Variants in GAN observed in about 807,000 individuals in gnomAD.
GAN encodes gigaxonin, also known as epididymis secretory sperm binding protein.
A neutral mutation model predicts 71.3 loss-of-function variants in GAN; 48 were observed. The ratio of observed to expected loss-of-function variants is 0.67; its 90% CI spans 0.53 to 0.86. GAN has a LOEUF of 0.86. GAN is among the 40% of genes least tolerant of loss of function. The pLI is 0.00. For missense variants in GAN, 928 were observed against 770.1 expected (o/e 1.21, Z -2.43); for synonymous variants, 386 against 276.8 (o/e 1.39, Z -3.92).
intron 9 of GAN, among the ~76,000 whole-genome samples, chr16:81,373,498 TAA>T (rs1003388686): frequency 3.3e-5 from 5 of 152,240 alleles, no homozygotes; most frequent in East Asian, 1.9e-4. Flanking sequence ...CAGAAATAGT[TAA>T]AGAGTTCCCA....
intron 1 of GAN, among the ~76,000 whole-genome samples, chr16:81,331,480 G>A (rs1282723313): frequency 6.6e-6 from 1 of 152,140 alleles, no homozygotes; most frequent in Non-Finnish European, 1.5e-5. Context: ...GGGTGCAAAG[G>A]AACTCAGTAC....
Position 81,357,766 on chromosome 16 carries a change from T to C in GAN, c.852-44T>C, listed in dbSNP as rs766593597. On this transcript the variant is annotated intron_variant, in intron 4 of 10. Transcript: ENST00000648994. ...AGTGATGGCTACTTATAAAAAGAAC[T>C]GTATGAAGCACATTAACTACTGATC... 7.0e-6 allele frequency: 11 copies of C among 1,579,414 alleles called. No individual in the cohort carries two copies. The South Asian group carries it at 1.0e-4, about 14-fold the overall frequency.
At chr16:81,347,437 T>C (rs1910155334) in intron 1 of GAN, among the ~76,000 whole-genome samples, 1 of 152,250 alleles carries the variant, frequency 6.6e-6, no homozygotes, top group African/African-American at 2.4e-5. Context: ...CATTCCAGGA[T>C]CATTCTTCAC....
At chr16:81,351,013 A>G (rs1013483735) in intron 1 of GAN, among the ~76,000 whole-genome samples, 3 of 152,252 alleles carry the variant, frequency 2.0e-5, no homozygotes, top group Admixed American at 6.5e-5. Flanking sequence ...ATATAAAACA[A>G]TAATGCAAAA....
intron 7 of GAN, among the ~76,000 whole-genome samples, 159 bp downstream of exon 7, chr16:81,364,102 G>A (rs1310237066): frequency 6.6e-6 from 1 of 152,162 alleles, no homozygotes; most frequent in Non-Finnish European, 1.5e-5. Context: ...ACTGTCATCA[G>A]CCACACACCA....
intron 1 of GAN, among the ~76,000 whole-genome samples, chr16:81,330,026 G>A (rs11641563): frequency 0.34 from 51,951 of 151,948 alleles, 10,373 homozygotes; most frequent in East Asian, 0.72. Context: ...TCATCACCTC[G>A]CTCACTCTCA....
rs143692174 is a variant in GAN at position 81,356,823 on chromosome 16, A to G, written c.672A>G (p.Ser224=). ...MKDVMSALWV[S]GLDSSYLREQ... ...ATGTTATGTCAGCTCTGTGGGTTTC[A>G]GGGTTGGACTCCAGTTATTTACGGG... Residue 224 remains serine (S), a synonymous_variant, in exon 4 of 11, where the codon TCA becomes TCG. Transcript: ENST00000648994. 1.7e-5 allele frequency: 27 copies of G among 1,613,620 alleles called. No individual in the cohort carries two copies. In the African/African-American group the frequency reaches 2.5e-4, roughly 15 times the overall value.
At chr16:81,349,292 T>C (rs548573949) in intron 1 of GAN, among the ~76,000 whole-genome samples, 2 of 152,220 alleles carry the variant, frequency 1.3e-5, no homozygotes, top group South Asian at 2.1e-4. Context: ...TGCTTACTGC[T>C]AAATTAGGAT....
At chr16:81,345,232 C>G (rs1910078555) in intron 1 of GAN, among the ~76,000 whole-genome samples, 1 of 152,116 alleles carries the variant, frequency 6.6e-6, no homozygotes, top group Non-Finnish European at 1.5e-5. Context: ...ACCATTTGAC[C>G]CAGCAATCCC....
intron 2 of GAN, among the ~76,000 whole-genome samples, chr16:81,353,534 T>G (rs1379081723): frequency 6.6e-6 from 1 of 152,178 alleles, no homozygotes; most frequent in African/African-American, 2.4e-5. Flanking sequence ...TGATTGGCAA[T>G]TATACTTTTT....
In GAN at chr16:81,356,924, A is replaced by G. The variant is rs1416717937; in HGVS notation, c.773A>G (p.Gln258Arg). ...CSNIPLSQPQ[Q>R]GEAMLANFKP... ...AATATACCGCTCAGCCAGCCGCAGC[A>G]AGGGGAGGCGATGCTGGCCAACTTC... is the stretch of plus-strand genomic sequence containing the variant. The change falls in exon 4 of 11, where the codon CAA becomes CGA. Residue 258 changes from glutamine to arginine, a missense_variant. By Grantham distance (43) the Gln-to-Arg change is conservative (BLOSUM62 1). Coordinates refer to ENST00000648994, the MANE Select transcript of GAN (RefSeq NM_022041.4). 5.6e-6 allele frequency: 9 copies of G among 1,613,926 alleles called. No homozygotes were observed. Among genetic ancestry groups the G allele is most frequent in the Non-Finnish European group, 7.6e-6 (9 of 1,179,876 alleles).
intron 1 of GAN, among the ~76,000 whole-genome samples, chr16:81,337,789 TAGAAC>T (rs2150676050): frequency 6.6e-6 from 1 of 152,314 alleles, no homozygotes; most frequent in East Asian, 1.9e-4. Flanking sequence ...TCTACTTTAA[TAGAAC>T]AGAAGAACAG....
intron 1 of GAN, among the ~76,000 whole-genome samples, chr16:81,329,011 C>T (rs1044641954): frequency 6.6e-6 from 1 of 152,092 alleles, no homozygotes; most frequent in Non-Finnish European, 1.5e-5. Flanking sequence ...AAAATCTGGG[C>T]GTAAAATCTT....
At chr16:81,327,047 A>C (rs1305712097) in intron 1 of GAN, among the ~76,000 whole-genome samples, 1 of 152,254 alleles carries the variant, frequency 6.6e-6, no homozygotes, top group African/African-American at 2.4e-5. Flanking sequence ...ACCATTTTGC[A>C]ACAGAGTTTA....
chr16:81,333,197 A>G (rs902863554), intron 1 of GAN, among the ~76,000 whole-genome samples: 4 of 149,364 alleles, frequency 2.7e-5, no homozygotes, highest in East Asian at 2.0e-4. Flanking sequence ...AGCTGAGATC[A>G]CGCCACTCCA....
intron 3 of GAN, among the ~76,000 whole-genome samples, chr16:81,355,585 A>G (rs1328308078): frequency 6.6e-6 from 1 of 151,948 alleles, no homozygotes; most frequent in African/African-American, 2.4e-5. Context: ...CTGGTCTCAA[A>G]CTCCTGTGCT....
chr16:81,390,357 A>C lies in GAN; in HGVS notation c.*12761A>C, dbSNP rs1242921694. 5 of 152,240 alleles carry C rather than the reference A, an allele frequency of 3.3e-5. No individual in the cohort carries two copies. 9.4% of individuals were successfully genotyped at this position (152,240 alleles called of 1,614,324 possible). ...TTCACTTGCTGATAAGAAATTTAGC[A>C]GTCAGAAGTAATTTTTAATTAATAA... On this transcript the variant is annotated 3_prime_UTR_variant, in exon 11 of 11. Transcript: ENST00000648994.
At chr16:81,340,517 A>G (rs1036042383) in intron 1 of GAN, among the ~76,000 whole-genome samples, 2 of 152,132 alleles carry the variant, frequency 1.3e-5, no homozygotes, top group East Asian at 1.9e-4. Flanking sequence ...ACCTCCAGCA[A>G]ACCCCCACAG....
At position 81,389,427 on chromosome 16, in the gene GAN, G is replaced by A. The variant is rs1488872257; in HGVS notation, c.*11831G>A. 1 of 152,150 alleles carries A rather than the reference G, an allele frequency of 6.6e-6. No homozygotes were observed. The highest frequency in any genetic ancestry group is 6.5e-5 in the Admixed American group (1 of 15,272). The allele number at this position is 152,150 out of a possible 1,614,324, so 9.4% of individuals were successfully genotyped here. A position where few individuals can be genotyped will look rare whatever the true frequency, so the allele number is the denominator to read the frequency against. Reference sequence around the variant, plus strand: ...TTGAACAATCTTTGCAGCCACTGTTGGGGTGTGTACCAGCAGCCTGGAAGT... The same window carrying A: ...TTGAACAATCTTTGCAGCCACTGTTAGGGTGTGTACCAGCAGCCTGGAAGT... On this transcript the variant is annotated 3_prime_UTR_variant, in exon 11 of 11. Transcript: ENST00000648994.
Sources: allele counts gnomAD v4.1 joint callset (sites outside exome capture counted in the v4.1 genomes callset), GRCh38; gene constraint gnomAD v4.1.1; transcripts MANE v1.5; gene names NCBI Gene and HGNC (gene_info 2026-07-23, HGNC 2026-07-21).